The following DTD1 variants were observed in gnomAD, a reference collection of about 807,000 sequenced individuals.
The protein encoded by DTD1 is D-aminoacyl-tRNA deacylase 1.
DTD1 carries 13 observed loss-of-function variants against 25.6 expected under a neutral mutation model. The observed-to-expected ratio is 0.51, with a 90% CI of 0.33 to 0.81. The LOEUF is 0.81. Among genes scored for constraint, DTD1 ranks in the 30% least tolerant of loss-of-function variants. The pLI is 0.02. For missense variants in DTD1, 193 were observed against 266.4 expected, an observed-to-expected ratio of 0.72 and a Z score of 1.92; for synonymous variants, 110 against 103.6, an observed-to-expected ratio of 1.06 and a Z score of -0.37.
rs559462274 is a variant in DTD1 at position 18,645,044 on chromosome 20, G to A, written c.477+16811G>A. 7.9e-5 allele frequency among the ~76,000 whole-genome samples: 12 copies of A among 152,276 alleles called. No individual in the cohort carries two copies. In the South Asian group the frequency reaches 8.3e-4, roughly 11 times the overall value. On this transcript the variant is annotated intron_variant, in intron 4 of 5. Transcript: ENST00000377452. Reference sequence around the variant, plus strand: ...TGCACGTTTGTAGTCCCAGCCAGTCGGAAGGCTGAGGCGAAGAATCACTTG... The same window carrying A: ...TGCACGTTTGTAGTCCCAGCCAGTCAGAAGGCTGAGGCGAAGAATCACTTG...
chr20:18,588,997 C>A (rs142520815), intron 1 of DTD1: 5 of 619,304 alleles, frequency 8.1e-6, no homozygotes, highest in Non-Finnish European at 1.0e-5. Flanking sequence ...TTTCAGATAT[C>A]CTGTCCTTGG....
At chr20:18,740,495 A>G (rs1406189163) in intron 4 of DTD1, among the ~76,000 whole-genome samples, 2 of 152,182 alleles carry the variant, frequency 1.3e-5, no homozygotes, top group Non-Finnish European at 2.9e-5. Flanking sequence ...GTATGAACAC[A>G]TGGATGCGAA....
chr20:18,691,179 C>T (rs1200049069), intron 4 of DTD1, among the ~76,000 whole-genome samples: 1 of 152,194 alleles, frequency 6.6e-6, no homozygotes, highest in African/African-American at 2.4e-5. Context: ...TAAATTAGTA[C>T]AGCCACTGTG....
At chr20:18,619,793 T>G (rs557242190) in intron 3 of DTD1, among the ~76,000 whole-genome samples, 1 of 152,336 alleles carries the variant, frequency 6.6e-6, no homozygotes, top group East Asian at 1.9e-4. Flanking sequence ...TTATCCCATA[T>G]AAATGTAAAG....
chr20:18,763,499 C>T lies in DTD1; in HGVS notation c.*159C>T, dbSNP rs1270546996. On this transcript the variant is annotated 3_prime_UTR_variant, in exon 6 of 6. Coordinates refer to ENST00000377452, the MANE Select transcript of DTD1 (RefSeq NM_080820.6). ...AACCTGAATAGCTCTGCAAAAAACA[C>T]CAAAGGACCGTTTTATCGTTTTCTG... The T allele has an allele frequency of 6.5e-6, 1 of 152,690 alleles. No individual in the cohort carries two copies. The highest frequency in any genetic ancestry group is 1.5e-5 in the Non-Finnish European group (1 of 68,056). The allele number at this position is 152,690 out of a possible 1,614,324, so 9.5% of individuals were successfully genotyped here.
At chr20:18,613,126 CCA>C (rs1326859210) in intron 3 of DTD1, among the ~76,000 whole-genome samples, 1 of 152,158 alleles carries the variant, frequency 6.6e-6, no homozygotes. Flanking sequence ...GGATGTTCAT[CCA>C]GGATTTTAGT....
At chr20:18,736,470 C>A (rs979433535) in intron 4 of DTD1, among the ~76,000 whole-genome samples, 2 of 152,182 alleles carry the variant, frequency 1.3e-5, no homozygotes, top group Admixed American at 1.3e-4. Context: ...CTGGATCATC[C>A]CACAGTGTGA....
chr20:18,694,280 G>A (rs1350446951), intron 4 of DTD1, among the ~76,000 whole-genome samples: 1 of 152,188 alleles, frequency 6.6e-6, no homozygotes, highest in African/African-American at 2.4e-5. Context: ...GGATACAGGA[G>A]TAAGATCCTA....
chr20:18,700,269 A>G (rs2061098619), intron 4 of DTD1, among the ~76,000 whole-genome samples: 1 of 152,086 alleles, frequency 6.6e-6, no homozygotes. Context: ...GAAAGTTACT[A>G]TTTGTTTGTT....
rs2061370188 is a variant in DTD1, at chr20:18,763,400, G to T, written c.*60G>T. The T allele has an allele frequency of 6.6e-6, 1 of 152,628 alleles. No homozygotes were observed. The highest frequency in any genetic ancestry group is 1.5e-5 in the Non-Finnish European group (1 of 68,036). 9.5% of individuals were successfully genotyped at this position (152,628 alleles called of 1,614,324 possible). A position where few individuals can be genotyped will look rare whatever the true frequency, so the allele number is the denominator to read the frequency against. ...CAGAACTGGATCCTGAAAAATTCAA[G>T]ATGCTAAGCACCTACACTACTTTAA... On this transcript the variant is annotated 3_prime_UTR_variant, in exon 6 of 6. Coordinates refer to ENST00000377452, the MANE Select transcript of DTD1 (RefSeq NM_080820.6).
intron 3 of DTD1, among the ~76,000 whole-genome samples, chr20:18,610,763 T>C (rs1197920941): frequency 6.6e-6 from 1 of 152,032 alleles, no homozygotes; most frequent in Admixed American, 6.6e-5. Context: ...TGCAAAAAAA[T>C]TAGCCACACA....
chr20:18,618,978 G>T (rs1182165555), intron 3 of DTD1, among the ~76,000 whole-genome samples: 3 of 152,128 alleles, frequency 2.0e-5, no homozygotes, highest in Admixed American at 6.5e-5. Context: ...CTTCCAAAGT[G>T]CTGGGATCAC....
intron 3 of DTD1, among the ~76,000 whole-genome samples, chr20:18,609,575 C>T (rs2122273853): frequency 6.6e-6 from 1 of 152,094 alleles, no homozygotes; most frequent in South Asian, 2.1e-4. Context: ...TTTTTTGAAG[C>T]TCTGTAGCAG....
At chr20:18,731,052 G>A (rs2061237839) in intron 4 of DTD1, among the ~76,000 whole-genome samples, 1 of 152,196 alleles carries the variant, frequency 6.6e-6, no homozygotes, top group Non-Finnish European at 1.5e-5. Flanking sequence ...ATTTAGTGGT[G>A]TGGAAGGGAA....
chr20:18,629,959 C>A (rs2060777913), intron 4 of DTD1, among the ~76,000 whole-genome samples: 1 of 152,062 alleles, frequency 6.6e-6, no homozygotes, highest in Admixed American at 6.6e-5. Context: ...TCCCACCAGG[C>A]CCCTCCTCCA....
intron 4 of DTD1, among the ~76,000 whole-genome samples, chr20:18,688,313 C>G (rs2061025753): frequency 6.6e-6 from 1 of 152,174 alleles, no homozygotes; most frequent in Non-Finnish European, 1.5e-5. Context: ...TGGGATCAGG[C>G]AGACATTTTT....
chr20:18,640,331 A>G (rs1241107145), intron 4 of DTD1, among the ~76,000 whole-genome samples: 1 of 152,134 alleles, frequency 6.6e-6, no homozygotes, highest in Non-Finnish European at 1.5e-5. Context: ...TATATCTAAT[A>G]CATAAAATCA....
At chr20:18,736,758 A>G (rs1043833605) in intron 4 of DTD1, among the ~76,000 whole-genome samples, 1 of 151,972 alleles carries the variant, frequency 6.6e-6, no homozygotes, top group Non-Finnish European at 1.5e-5. Context: ...CATTGCCAAC[A>G]CCTATGCCCT....
intron 5 of DTD1, among the ~76,000 whole-genome samples, chr20:18,761,219 C>A (rs1229044778): frequency 1.3e-5 from 2 of 152,120 alleles, no homozygotes; most frequent in East Asian, 1.9e-4. Context: ...CGGTGTGCTG[C>A]AGCTACTGTC....
Sources: gnomAD v4.1 joint callset for allele counts (sites outside exome capture counted in the v4.1 genomes callset) on GRCh38, gnomAD v4.1.1 for gene constraint, MANE v1.5 for transcripts, NCBI Gene and HGNC (gene_info 2026-07-23, HGNC 2026-07-21) for gene names.